Variants in TSC22D1 observed in about 807,000 individuals in gnomAD.
The protein encoded by TSC22D1 is TSC22 domain family member 1.
A neutral mutation model predicts 74.2 loss-of-function variants in TSC22D1; 9 were observed. That is an observed-to-expected ratio of 0.12 (90% CI 0.07 to 0.21). The LOEUF is 0.21. Among genes scored for constraint, TSC22D1 ranks in the 10% least tolerant of loss-of-function variants. The pLI is 1.00. For synonymous variants in TSC22D1, 586 were observed against 492.5 expected, an observed-to-expected ratio of 1.19 and a Z score of -2.51; for missense variants, 1,427 against 1,304.7, an observed-to-expected ratio of 1.09 and a Z score of -1.44.
At chr13:44,559,235 A>G (rs951616994) in intron 1 of TSC22D1, among the ~76,000 whole-genome samples, 1 of 152,186 alleles carries the variant, frequency 6.6e-6, no homozygotes, top group African/African-American at 2.4e-5. Context: ...CTGAGCACCT[A>G]AGCAGTGGAC....
intron 1 of TSC22D1, among the ~76,000 whole-genome samples, chr13:44,557,184 C>T (rs868723408): frequency 4.0e-5 from 6 of 150,954 alleles, no homozygotes; most frequent in East Asian, 1.9e-4. Context: ...AAAAAGTGGC[C>T]GGGCGCAGTG....
At chr13:44,514,046 C>T (rs1214656531) in intron 1 of TSC22D1, among the ~76,000 whole-genome samples, 1 of 152,096 alleles carries the variant, frequency 6.6e-6, no homozygotes, top group Non-Finnish European at 1.5e-5. Flanking sequence ...GTTACCTTTT[C>T]TATTACTCAT....
intron 1 of TSC22D1, among the ~76,000 whole-genome samples, chr13:44,556,106 G>A (rs1882618978): frequency 6.6e-6 from 1 of 151,738 alleles, no homozygotes; most frequent in African/African-American, 2.4e-5. Context: ...TATCTTTTAA[G>A]ATACATCTTT....
At chr13:44,462,224 T>C (rs1323757095) in intron 1 of TSC22D1, among the ~76,000 whole-genome samples, 2 of 151,410 alleles carry the variant, frequency 1.3e-5, no homozygotes, top group Non-Finnish European at 3.0e-5. Flanking sequence ...TTGAATGTTA[T>C]TTCAGCAGAG....
intron 1 of TSC22D1, among the ~76,000 whole-genome samples, chr13:44,495,779 G>T (rs1477183545): frequency 6.6e-6 from 1 of 152,112 alleles, no homozygotes; most frequent in Non-Finnish European, 1.5e-5. Flanking sequence ...TTTAATAAAT[G>T]GTGCTGGCAC....
At chr13:44,535,542 G>T (rs937316963) in intron 1 of TSC22D1, among the ~76,000 whole-genome samples, 2 of 151,908 alleles carry the variant, frequency 1.3e-5, no homozygotes, top group East Asian at 3.9e-4. Context: ...TAAGATCTGT[G>T]TACATATTTA....
At position 44,573,969 on chromosome 13, in the gene TSC22D1, T is replaced by C; in HGVS notation, c.2106A>G (p.Pro702=). 1 of 1,614,070 alleles carries C rather than the reference T, an allele frequency of 6.2e-7. No individual in the cohort carries two copies. The highest frequency in any genetic ancestry group is 8.5e-7 in the Non-Finnish European group (1 of 1,180,034). ...GGACAGATGCCCCTGCAGGTTGTGC[T>C]GGGACTGCTGTGGGCTGCACTGGCA... ...IQLPVQPTAV[P]AQPAGASVQP... The change falls in exon 1 of 3, where the codon CCA becomes CCG. Residue 702 remains proline, a synonymous_variant. Coordinates refer to ENST00000458659, the MANE Select transcript of TSC22D1 (RefSeq NM_183422.4).
rs1201968568 is a variant in TSC22D1, at chr13:44,497,982, T to TC, written c.2913-61888dup. Among the ~76,000 whole-genome samples the TC allele has an allele frequency of 7.2e-5, 11 of 151,870 alleles. No individual in the cohort carries two copies. The East Asian group carries it at 1.7e-3, about 24-fold the overall frequency. On this transcript the variant is annotated intron_variant, in intron 1 of 2. Coordinates refer to ENST00000458659, the MANE Select transcript of TSC22D1 (RefSeq NM_183422.4). ...CCATTCCTATTCTAGCCCCTTCCTA[T>TC]CCCTCTGGGCTCACTTCCTGTCACT...
intron 1 of TSC22D1, among the ~76,000 whole-genome samples, chr13:44,505,383 G>T (rs542772469): frequency 6.6e-6 from 1 of 152,200 alleles, no homozygotes; most frequent in Non-Finnish European, 1.5e-5. Flanking sequence ...GCAAGACCCT[G>T]TATCTACAAA....
chr13:44,436,520 C>A, intron 1 of TSC22D1: 1 of 1,614,090 alleles, frequency 6.2e-7, no homozygotes, highest in Non-Finnish European at 8.5e-7. Flanking sequence ...TCAAGTCTCA[C>A]AGAAGCGTTT....
At chr13:44,543,745 G>A (rs2138108905) in intron 1 of TSC22D1, among the ~76,000 whole-genome samples, 1 of 152,228 alleles carries the variant, frequency 6.6e-6, no homozygotes. Flanking sequence ...ATCTAAAGTA[G>A]ACACTAAAAA....
intron 1 of TSC22D1, among the ~76,000 whole-genome samples, chr13:44,560,092 T>C (rs1482607162): frequency 6.6e-6 from 1 of 152,084 alleles, no homozygotes; most frequent in Non-Finnish European, 1.5e-5. Context: ...TAAAAACATA[T>C]ACAATGAGAA....
intron 1 of TSC22D1, among the ~76,000 whole-genome samples, chr13:44,477,854 G>C (rs1361405521): frequency 6.6e-6 from 1 of 152,010 alleles, no homozygotes; most frequent in African/African-American, 2.4e-5. Context: ...TGGTGGCCAG[G>C]CTGGTCTCAA....
intron 1 of TSC22D1, among the ~76,000 whole-genome samples, chr13:44,444,661 T>C (rs1411668466): frequency 1.3e-5 from 2 of 152,048 alleles, no homozygotes; most frequent in African/African-American, 4.8e-5. Flanking sequence ...TAACATGAGA[T>C]TATCTGAAAA....
intron 1 of TSC22D1, among the ~76,000 whole-genome samples, chr13:44,523,955 A>G (rs1038647881): frequency 6.6e-6 from 1 of 152,218 alleles, no homozygotes; most frequent in Non-Finnish European, 1.5e-5. Context: ...TTAGCAAAAT[A>G]TAAGAGATAG....
rs138186764 is a variant in TSC22D1 at position 44,575,559 on chromosome 13, G to A, written c.516C>T (p.Ser172=). 14,562 of 1,614,084 alleles carry A rather than the reference G, an allele frequency of 9.0e-3. 77 individuals are homozygous for A. Among genetic ancestry groups the A allele is most frequent in the Middle Eastern group, 0.015 (89 of 5,996 alleles). ...GGAAGTTATTTAGGGTCTCTTCTGA[G>A]GAGCTGCGTTCGGGCTCCCCTAAGT... ...ATDLGEPERS[S]SEETLNNFQE... is the part of the protein sequence containing the mutation. The change falls in exon 1 of 3, where the codon TCC becomes TCT. Residue 172 remains serine, a synonymous_variant. Transcript: ENST00000458659.
chr13:44,538,271 C>A, intron 1 of TSC22D1: 1 of 985,274 alleles, frequency 1.0e-6, no homozygotes, highest in Non-Finnish European at 1.2e-6. Context: ...TCTTCTACTT[C>A]TCTATTAGAA....
At position 44,576,266 on chromosome 13, in the gene TSC22D1, C is replaced by G; in HGVS notation, c.-192G>C. On this transcript the variant is annotated 5_prime_UTR_variant, in exon 1 of 3. Coordinates refer to ENST00000458659, the MANE Select transcript of TSC22D1 (RefSeq NM_183422.4). ...AGCGAGCTTCGGAAAGGAGGATGAA[C>G]GAGGGTGAACAGGGCGGCCGGGGAC... The G allele has an allele frequency of 1.2e-6, 1 of 809,226 alleles. No homozygotes were observed. Among genetic ancestry groups the G allele is most frequent in the Non-Finnish European group, 1.9e-6 (1 of 536,414 alleles). 50.1% of individuals were successfully genotyped at this position (809,226 alleles called of 1,614,324 possible).
intron 1 of TSC22D1, chr13:44,516,253 G>A: frequency 2.6e-6 from 1 of 381,314 alleles, no homozygotes; most frequent in Non-Finnish European, 5.0e-6. Context: ...AGACTTTGGG[G>A]GCACTAGAAA....
Sources: allele counts gnomAD v4.1 joint callset (sites outside exome capture counted in the v4.1 genomes callset), GRCh38; gene constraint gnomAD v4.1.1; transcripts MANE v1.5; gene names NCBI Gene and HGNC (gene_info 2026-07-23, HGNC 2026-07-21).